The following PDE1C variants were observed in gnomAD, a reference collection of about 807,000 sequenced individuals.
PDE1C encodes the protein dual specificity calcium/calmodulin-dependent 3',5'-cyclic nucleotide phosphodiesterase 1C.
Under a neutral mutation model 93.1 loss-of-function variants are expected in PDE1C, and 62 were observed. The ratio of observed to expected loss-of-function variants is 0.67; its 90% CI spans 0.54 to 0.82. The LOEUF (loss-of-function observed/expected upper bound fraction) is 0.82, where lower values mean the gene tolerates loss of function less well. Ranked by LOEUF, PDE1C falls within the 40% of genes least tolerant of loss-of-function variation. The pLI, the probability that PDE1C is intolerant of heterozygous loss-of-function variation, is 0.00. For synonymous variants in PDE1C, 325 were observed against 310.1 expected, an observed-to-expected ratio of 1.05 and a Z score of -0.50; for missense variants, 742 against 884.6, an observed-to-expected ratio of 0.84 and a Z score of 2.04.
intron 16 of PDE1C, among the ~76,000 whole-genome samples, chr7:31,792,975 T>A (rs969932036): frequency 6.6e-6 from 1 of 152,030 alleles, no homozygotes; most frequent in Non-Finnish European, 1.5e-5. Flanking sequence ...TTTTTATACC[T>A]CACAAGGTAA....
chr7:31,867,346 G>A (rs1031290832), intron 6 of PDE1C, among the ~76,000 whole-genome samples: 5 of 152,108 alleles, frequency 3.3e-5, no homozygotes, highest in Non-Finnish European at 5.9e-5. Context: ...ACCCTCCACA[G>A]TAGCAGGGCT....
At chr7:31,681,338 A>G in the PDE1C span, among the ~76,000 whole-genome samples, 1 of 149,524 alleles carries the variant, frequency 6.7e-6, no homozygotes, top group African/African-American at 2.5e-5. Context: ...AATTCCTCAC[A>G]GTTCAGTTGG....
At chr7:31,724,919 G>A in the PDE1C span, among the ~76,000 whole-genome samples, 1 of 152,148 alleles carries the variant, frequency 6.6e-6, no homozygotes, top group African/African-American at 2.4e-5. Flanking sequence ...TATGTGCCAA[G>A]TATTGTTTTT....
the PDE1C span, among the ~76,000 whole-genome samples, chr7:31,715,245 CTT>C: frequency 6.8e-6 from 1 of 146,874 alleles, no homozygotes; most frequent in Non-Finnish European, 1.5e-5. Flanking sequence ...GTAAAGGCCT[CTT>C]TTTTTTTTTG....
chr7:32,024,399 ATGTG>A (rs143690061), intron 2 of PDE1C, among the ~76,000 whole-genome samples: 30 of 149,192 alleles, frequency 2.0e-4, no homozygotes, highest in African/African-American at 7.1e-4. Flanking sequence ...CAATATACAT[ATGTG>A]TGTGTGTGTG....
At chr7:31,775,192 G>A (rs2128629482) in intron 17 of PDE1C, among the ~76,000 whole-genome samples, 1 of 152,212 alleles carries the variant, frequency 6.6e-6, no homozygotes, top group East Asian at 1.9e-4. Context: ...TGTCAATACT[G>A]GGCTAAATTT....
chr7:32,267,572 TCACA>T lies in PDE1C; in HGVS notation c.85+31075_85+31078del, dbSNP rs1170613406. On this transcript the variant is annotated intron_variant, in intron 1 of 18. Coordinates refer to the PDE1C transcript ENST00000396193. ...AAAATGCAGCCTCTTTCTCTCTCTC[TCACA>T]CACACACACACTCTCTCTCTCTCTC... 4.3e-3 allele frequency among the ~76,000 whole-genome samples: 499 copies of T among 117,136 alleles called. 2 individuals carry two copies. The highest frequency in any genetic ancestry group is 0.017 in the East Asian group (65 of 3,888). 76.8% of individuals were successfully genotyped at this position (117,136 alleles called of 152,430 possible).
intron 1 of PDE1C, among the ~76,000 whole-genome samples, chr7:32,392,479 A>G (rs1202114147): frequency 1.3e-5 from 2 of 152,186 alleles, no homozygotes; most frequent in African/African-American, 2.4e-5. Flanking sequence ...AAAGCCAAAG[A>G]TATCACAAGA....
chr7:31,795,103 T>C (rs1307827684), intron 16 of PDE1C, among the ~76,000 whole-genome samples: 1 of 151,880 alleles, frequency 6.6e-6, no homozygotes, highest in Non-Finnish European at 1.5e-5. Flanking sequence ...TAAGAAAAAA[T>C]GCAAAGAGGG....
chr7:31,731,609 C>G, the PDE1C span, among the ~76,000 whole-genome samples: 2 of 152,302 alleles, frequency 1.3e-5, no homozygotes, highest in East Asian at 1.9e-4. Context: ...AGGCTGGTCT[C>G]GAACTCCTGA....
chr7:32,011,194 C>A (rs923144184), intron 2 of PDE1C, among the ~76,000 whole-genome samples: 1 of 140,288 alleles, frequency 7.1e-6, no homozygotes, highest in African/African-American at 2.8e-5. Context: ...AATAAATTAA[C>A]AATTTTTTTT....
chr7:31,989,449 A>G (rs1783885332), intron 2 of PDE1C, among the ~76,000 whole-genome samples: 1 of 152,234 alleles, frequency 6.6e-6, no homozygotes, highest in Non-Finnish European at 1.5e-5. Flanking sequence ...TACATTACAT[A>G]CATACATGAT....
intron 3 of PDE1C, among the ~76,000 whole-genome samples, chr7:32,076,642 C>CAAAAAAAA (rs869181797): frequency 5.0e-5 from 2 of 40,244 alleles, no homozygotes; most frequent in African/African-American, 9.6e-5. Context: ...GACTCCATCT[C>CAAAAAAAA]AAAAAAAAAA....
At chr7:32,148,112 C>T (rs1801021235) in intron 3 of PDE1C, among the ~76,000 whole-genome samples, 1 of 151,908 alleles carries the variant, frequency 6.6e-6, no homozygotes, top group South Asian at 2.1e-4. Context: ...CTGTTCTCCC[C>T]ACAACCCTAA....
chr7:31,797,264 G>A (rs770076619), intron 16 of PDE1C, among the ~76,000 whole-genome samples: 17 of 151,658 alleles, frequency 1.1e-4, no homozygotes, highest in Non-Finnish European at 1.9e-4. Context: ...AATAACCTAC[G>A]CAGATGCTGG....
At chr7:32,053,337 A>G (rs1280406146) in intron 1 of PDE1C, among the ~76,000 whole-genome samples, 1 of 152,156 alleles carries the variant, frequency 6.6e-6, no homozygotes, top group East Asian at 1.9e-4. Flanking sequence ...GCACTGATCA[A>G]TCACTCTCTC....
At chr7:31,631,752 A>C in the PDE1C span, among the ~76,000 whole-genome samples, 1 of 152,222 alleles carries the variant, frequency 6.6e-6, no homozygotes, top group Non-Finnish European at 1.5e-5. Flanking sequence ...GAGAGTGCTA[A>C]TGGAAGTAAT....
chr7:31,731,998 T>A, the PDE1C span, among the ~76,000 whole-genome samples: 1 of 152,196 alleles, frequency 6.6e-6, no homozygotes, highest in African/African-American at 2.4e-5. Flanking sequence ...GAGGAGGGTG[T>A]ATCAACCCAG....
chr7:32,356,858 T>C (rs1337615809), intron 1 of PDE1C, among the ~76,000 whole-genome samples: 1 of 152,116 alleles, frequency 6.6e-6, no homozygotes, highest in Admixed American at 6.6e-5. Flanking sequence ...TTTCCATAGC[T>C]AAGAGAGTGA....
Sources: gnomAD v4.1 joint callset for allele counts (sites outside exome capture counted in the v4.1 genomes callset) on GRCh38, gnomAD v4.1.1 for gene constraint, MANE v1.5 for transcripts, NCBI Gene and HGNC (gene_info 2026-07-23, HGNC 2026-07-21) for gene names.